The following ZNF385D variants were observed in gnomAD, a reference collection of about 807,000 sequenced individuals.
The protein encoded by ZNF385D is zinc finger protein 385D, also known as zinc finger protein 659.
In ZNF385D, 15 loss-of-function variants were observed where a neutral mutation model predicts 35.8. The observed-to-expected ratio is 0.42, with a 90% CI of 0.28 to 0.64. The LOEUF (loss-of-function observed/expected upper bound fraction) is 0.64. Among genes scored for constraint, ZNF385D ranks in the 30% least tolerant of loss-of-function variants. ZNF385D has a pLI of 0.23. For synonymous variants in ZNF385D, 212 were observed against 186.8 expected, an observed-to-expected ratio of 1.13 and a Z score of -1.10; for missense variants, 474 against 494.6, an observed-to-expected ratio of 0.96 and a Z score of 0.39.
At chr3:21,981,255 C>G (rs563378636) in intron 3 of ZNF385D, among the ~76,000 whole-genome samples, 12 of 152,232 alleles carry the variant, frequency 7.9e-5, no homozygotes, top group South Asian at 4.1e-4. Flanking sequence ...TTAATAAAAG[C>G]TATTCTGACT....
At chr3:22,180,714 G>A (rs1359895386) in intron 2 of ZNF385D, among the ~76,000 whole-genome samples, 1 of 151,996 alleles carries the variant, frequency 6.6e-6, no homozygotes, top group African/African-American at 2.4e-5. Flanking sequence ...ATGCAGAAAA[G>A]GCCTTTGACA....
chr3:21,747,485 T>C (rs2069833283), intron 1 of ZNF385D, among the ~76,000 whole-genome samples: 1 of 152,210 alleles, frequency 6.6e-6, no homozygotes, highest in African/African-American at 2.4e-5. Flanking sequence ...TCTCTCCTGA[T>C]GGCAAAGGGT....
chr3:21,878,608 A>G (rs1467337531), intron 3 of ZNF385D, among the ~76,000 whole-genome samples: 15 of 152,152 alleles, frequency 9.9e-5, no homozygotes, highest in Non-Finnish European at 1.0e-4. Context: ...AGCAATTTTC[A>G]TGCTTCCATG....
chr3:22,311,801 A>G (rs1703567362), intron 2 of ZNF385D, among the ~76,000 whole-genome samples: 1 of 152,088 alleles, frequency 6.6e-6, no homozygotes, highest in Admixed American at 6.6e-5. Flanking sequence ...GCTACAATAA[A>G]TTGAGCCAAT....
intron 3 of ZNF385D, among the ~76,000 whole-genome samples, chr3:21,828,441 G>T (rs79522680): frequency 0.03 from 4,496 of 152,232 alleles, 88 homozygotes; most frequent in Middle Eastern, 0.062. Context: ...AAGAAATGGG[G>T]GGAGGGGATT....
intron 3 of ZNF385D, among the ~76,000 whole-genome samples, chr3:22,110,214 G>A (rs1034138239): frequency 6.6e-6 from 1 of 151,868 alleles, no homozygotes; most frequent in Non-Finnish European, 1.5e-5. Flanking sequence ...TTCAACCATT[G>A]TGGAAGTCAG....
intron 1 of ZNF385D, among the ~76,000 whole-genome samples, chr3:21,697,268 G>A (rs537509013): frequency 6.6e-6 from 1 of 152,216 alleles, no homozygotes; most frequent in African/African-American, 2.4e-5. Flanking sequence ...AGATACAACA[G>A]TGAATAACAT....
At chr3:22,215,204 C>T (rs932303013) in intron 2 of ZNF385D, among the ~76,000 whole-genome samples, 2 of 151,942 alleles carry the variant, frequency 1.3e-5, no homozygotes, top group Admixed American at 6.6e-5. Flanking sequence ...ATTGTTCGTA[C>T]AGCATGCGTG....
intron 2 of ZNF385D, among the ~76,000 whole-genome samples, chr3:22,331,604 G>GAT (rs1465981863): frequency 6.6e-6 from 1 of 152,058 alleles, no homozygotes; most frequent in African/African-American, 2.4e-5. Flanking sequence ...CAGAATAGAA[G>GAT]ATGGCCTAAG....
intron 2 of ZNF385D, among the ~76,000 whole-genome samples, chr3:22,338,789 C>T (rs552546828): frequency 3.5e-3 from 524 of 150,928 alleles, no homozygotes; most frequent in Non-Finnish European, 6.1e-3. Flanking sequence ...TAGCCTCCAC[C>T]TCCTGGGTTC....
chr3:21,660,284 T>A (rs145298494), intron 2 of ZNF385D, among the ~76,000 whole-genome samples: 1 of 152,304 alleles, frequency 6.6e-6, no homozygotes, highest in African/African-American at 2.4e-5. Context: ...GCAAAAGTTA[T>A]CCTCTTTTAT....
At chr3:21,506,098 A>G (rs1341301716) in intron 4 of ZNF385D, among the ~76,000 whole-genome samples, 2 of 152,178 alleles carry the variant, frequency 1.3e-5, no homozygotes, top group Non-Finnish European at 2.9e-5. Flanking sequence ...AGAATGTTAT[A>G]TAATTGCTGA....
chr3:22,334,192 A>C (rs1298527468), intron 2 of ZNF385D, among the ~76,000 whole-genome samples: 1 of 152,092 alleles, frequency 6.6e-6, no homozygotes, highest in Non-Finnish European at 1.5e-5. Flanking sequence ...CAATTATCTT[A>C]ATTACTTGAG....
chr3:21,475,600 C>T (rs1208558870), intron 4 of ZNF385D, among the ~76,000 whole-genome samples: 32 of 152,042 alleles, frequency 2.1e-4, no homozygotes, highest in Admixed American at 2.1e-3. Context: ...TTCCAATTTT[C>T]TAAAATTGTG....
chr3:21,743,641 C>T (rs2069625619), intron 1 of ZNF385D, among the ~76,000 whole-genome samples: 2 of 152,190 alleles, frequency 1.3e-5, no homozygotes, highest in Admixed American at 1.3e-4. Context: ...CTTATAAGGA[C>T]ACTAATCCCA....
intron 1 of ZNF385D, among the ~76,000 whole-genome samples, chr3:21,718,448 A>T (rs1215931741): frequency 6.6e-6 from 1 of 152,228 alleles, no homozygotes; most frequent in African/African-American, 2.4e-5. Flanking sequence ...ACAAGGTATG[A>T]TAACAACGAA....
At chr3:21,681,126 C>T (rs1242864933) in intron 1 of ZNF385D, among the ~76,000 whole-genome samples, 1 of 151,838 alleles carries the variant, frequency 6.6e-6, no homozygotes. Context: ...AGAATTGTTT[C>T]AAGGAACTCA....
intron 3 of ZNF385D, among the ~76,000 whole-genome samples, chr3:21,977,317 A>G (rs1298525455): frequency 6.9e-6 from 1 of 144,924 alleles, no homozygotes; most frequent in Non-Finnish European, 1.5e-5. Flanking sequence ...TACATACTAC[A>G]TTTCAATTAA....
At chr3:22,105,190 A>G (rs945706665) in intron 3 of ZNF385D, among the ~76,000 whole-genome samples, 66 of 152,252 alleles carry the variant, frequency 4.3e-4, no homozygotes, top group African/African-American at 1.5e-3. Context: ...AATCTTCTGT[A>G]TATCAGAACC....
Sources: allele counts gnomAD v4.1 joint callset (sites outside exome capture counted in the v4.1 genomes callset), GRCh38; gene constraint gnomAD v4.1.1; transcripts MANE v1.5; gene names NCBI Gene and HGNC (gene_info 2026-07-23, HGNC 2026-07-21).